The following IMMP2L variants were observed in gnomAD, a reference collection of about 807,000 sequenced individuals.
IMMP2L encodes the protein mitochondrial inner membrane protease subunit 2.
IMMP2L carries 18 observed loss-of-function variants against 19.3 expected under a neutral mutation model. That is an observed-to-expected ratio of 0.93 (90% CI 0.64 to 1.38). The LOEUF is 1.38. Among genes scored for constraint, IMMP2L ranks in the 40% most tolerant of loss-of-function variants. IMMP2L has a pLI of 0.00. For missense variants in IMMP2L, 233 were observed against 218.2 expected, an observed-to-expected ratio of 1.07 and a Z score of -0.43; for synonymous variants, 76 against 73.0, an observed-to-expected ratio of 1.04 and a Z score of -0.21.
rs570040011 is a variant in IMMP2L at position 111,560,748 on chromosome 7, G to C, written c.-3+1103C>G. 2.0e-5 allele frequency among the ~76,000 whole-genome samples: 3 copies of C among 152,326 alleles called. No individual in the cohort carries two copies. In the South Asian group the frequency reaches 6.2e-4, roughly 32 times the overall value. ...TTCTCACCATCCTACTTTTATCAAAGTGCTGATAAAAGTGCGTAGCACATG... is the reference window on the plus strand; with the variant it reads ...TTCTCACCATCCTACTTTTATCAAACTGCTGATAAAAGTGCGTAGCACATG... On this transcript the variant is annotated intron_variant, in intron 1 of 5. Coordinates refer to ENST00000405709, the MANE Select transcript of IMMP2L (RefSeq NM_032549.4).
intron 4 of IMMP2L, among the ~76,000 whole-genome samples, chr7:110,905,954 T>C (rs1023521334): frequency 6.6e-6 from 1 of 152,314 alleles, no homozygotes. Context: ...GAAAAATCTT[T>C]CTGTCATACA....
At chr7:111,268,569 C>CCTTT (rs1818082378) in intron 3 of IMMP2L, among the ~76,000 whole-genome samples, 1 of 44,562 alleles carries the variant, frequency 2.2e-5, no homozygotes, top group African/African-American at 1.0e-4. Context: ...TCACATTTCT[C>CCTTT]TTTTTTTTTT....
At chr7:110,723,771 C>T (rs1015405984) in intron 5 of IMMP2L, among the ~76,000 whole-genome samples, 6 of 151,098 alleles carry the variant, frequency 4.0e-5, no homozygotes, top group Non-Finnish European at 5.9e-5. Context: ...TATAGATATG[C>T]CATGTAACCT....
chr7:111,467,662 G>A (rs1840808732), intron 3 of IMMP2L, among the ~76,000 whole-genome samples: 2 of 152,020 alleles, frequency 1.3e-5, no homozygotes, highest in African/African-American at 4.8e-5. Flanking sequence ...TTTGAGAAAA[G>A]GACAAAACAT....
chr7:111,419,458 C>T (rs955092540), intron 3 of IMMP2L, among the ~76,000 whole-genome samples: 1 of 151,520 alleles, frequency 6.6e-6, no homozygotes, highest in Admixed American at 6.6e-5. Context: ...TTAGGACAAA[C>T]CTGTCTCCCG....
intron 3 of IMMP2L, among the ~76,000 whole-genome samples, chr7:110,979,342 T>G (rs761633115): frequency 5.3e-5 from 8 of 152,252 alleles, no homozygotes; most frequent in Non-Finnish European, 1.0e-4. Context: ...TTTATAATGG[T>G]TAGTAGCATT....
intron 3 of IMMP2L, among the ~76,000 whole-genome samples, chr7:111,349,624 G>A (rs543161916): frequency 1.3e-5 from 2 of 152,178 alleles, no homozygotes; most frequent in Non-Finnish European, 1.5e-5. Context: ...AAGAATGCCT[G>A]TAGAGGAAGA....
intron 3 of IMMP2L, among the ~76,000 whole-genome samples, chr7:111,161,069 T>C (rs906377145): frequency 1.3e-5 from 2 of 151,862 alleles, no homozygotes; most frequent in Non-Finnish European, 2.9e-5. Flanking sequence ...ATACAACTTT[T>C]AAATAAATGG....
chr7:111,040,226 A>G (rs565255293), intron 3 of IMMP2L, among the ~76,000 whole-genome samples: 1 of 152,314 alleles, frequency 6.6e-6, no homozygotes, highest in Admixed American at 6.5e-5. Context: ...AAAAAATTAA[A>G]CCAAAGTTTC....
At chr7:111,373,936 T>C (rs1400240293) in intron 3 of IMMP2L, among the ~76,000 whole-genome samples, 1 of 151,996 alleles carries the variant, frequency 6.6e-6, no homozygotes, top group African/African-American at 2.4e-5. Context: ...CAAATCGAAG[T>C]TGAGGTGGGT....
chr7:110,669,299 G>C (rs897346752), intron 5 of IMMP2L, among the ~76,000 whole-genome samples: 1 of 152,044 alleles, frequency 6.6e-6, no homozygotes, highest in East Asian at 1.9e-4. Flanking sequence ...TTGCAGGTGA[G>C]GTCTGAAGAC....
intron 3 of IMMP2L, among the ~76,000 whole-genome samples, chr7:111,237,645 T>C (rs1814491074): frequency 6.6e-6 from 1 of 151,878 alleles, no homozygotes; most frequent in Non-Finnish European, 1.5e-5. Context: ...TATTTACCTA[T>C]AATCATAGAA....
At chr7:111,557,041 T>G (rs1009814975) in intron 1 of IMMP2L, among the ~76,000 whole-genome samples, 1 of 152,058 alleles carries the variant, frequency 6.6e-6, no homozygotes, top group Admixed American at 6.6e-5. Context: ...ACATTCTCCC[T>G]CTCCCATATC....
At chr7:111,514,923 A>AT (rs1161787908) in intron 2 of IMMP2L, among the ~76,000 whole-genome samples, 1 of 152,254 alleles carries the variant, frequency 6.6e-6, no homozygotes, top group South Asian at 2.1e-4. Context: ...CACAAGTGAT[A>AT]TAAGTAGTGC....
intron 5 of IMMP2L, among the ~76,000 whole-genome samples, chr7:110,715,589 T>C (rs1209599345): frequency 6.6e-6 from 1 of 152,208 alleles, no homozygotes; most frequent in Non-Finnish European, 1.5e-5. Flanking sequence ...GGAGATCTTC[T>C]TGGTACTGAT....
intron 3 of IMMP2L, among the ~76,000 whole-genome samples, chr7:111,434,542 G>GT (rs1418256916): frequency 2.7e-5 from 4 of 150,566 alleles, no homozygotes; most frequent in Non-Finnish European, 5.9e-5. Flanking sequence ...TTTGTTTTTT[G>GT]TTTTTTTGTT....
chr7:110,784,861 T>G (rs1369719877), intron 5 of IMMP2L, among the ~76,000 whole-genome samples: 3 of 151,900 alleles, frequency 2.0e-5, no homozygotes, highest in African/African-American at 7.2e-5. Context: ...TCTCTAGAGC[T>G]GCACTGTCCA....
At chr7:110,838,011 A>T (rs1279764260) in intron 5 of IMMP2L, among the ~76,000 whole-genome samples, 1 of 152,152 alleles carries the variant, frequency 6.6e-6, no homozygotes, top group East Asian at 1.9e-4. Context: ...GGTCAAATGA[A>T]TTGCGGGAAT....
intron 5 of IMMP2L, among the ~76,000 whole-genome samples, chr7:110,672,367 G>A (rs1475109005): frequency 6.6e-6 from 1 of 152,094 alleles, no homozygotes; most frequent in Non-Finnish European, 1.5e-5. Flanking sequence ...TGTGGGGATT[G>A]TGGGAATTAC....
Sources: allele counts gnomAD v4.1 joint callset (sites outside exome capture counted in the v4.1 genomes callset), GRCh38; gene constraint gnomAD v4.1.1; transcripts MANE v1.5; gene names NCBI Gene and HGNC (gene_info 2026-07-23, HGNC 2026-07-21).